AGBL1: variants seen among roughly 807,000 people sequenced by gnomAD.
The protein encoded by AGBL1 is cytosolic carboxypeptidase 4.
A neutral mutation model predicts 118.9 loss-of-function variants in AGBL1; 130 were observed. The ratio of observed to expected loss-of-function variants is 1.09; its 90% CI spans 0.95 to 1.26. The LOEUF (loss-of-function observed/expected upper bound fraction) is 1.26, where lower values mean the gene tolerates loss of function less well. Ranked by LOEUF, AGBL1 falls within the 50% of genes most tolerant of loss-of-function variation. The probability of loss-of-function intolerance (pLI) is 0.00; values close to 1 mark genes in which losing one functional copy is unlikely to be tolerated. For synonymous variants in AGBL1, 555 were observed against 478.9 expected, an observed-to-expected ratio of 1.16 and a Z score of -2.08; for missense variants, 1,584 against 1,298.1, an observed-to-expected ratio of 1.22 and a Z score of -3.38.
chr15:86,158,346 C>T (rs1176947617), intron 4 of AGBL1, among the ~76,000 whole-genome samples: 7 of 152,152 alleles, frequency 4.6e-5, no homozygotes. Flanking sequence ...ACCTCTTGTT[C>T]CCACTCACTT....
intron 5 of AGBL1, among the ~76,000 whole-genome samples, chr15:86,188,418 C>T (rs2077667111): frequency 6.6e-6 from 1 of 152,056 alleles, no homozygotes. Flanking sequence ...AAAAAAAAGA[C>T]TGTTGATAAT....
At chr15:86,573,254 GT>G (rs771015365) in intron 21 of AGBL1, among the ~76,000 whole-genome samples, 10 of 152,128 alleles carry the variant, frequency 6.6e-5, no homozygotes, top group Non-Finnish European at 1.3e-4. Flanking sequence ...TTCAAGAAAC[GT>G]TTTTCTTTTT....
intron 18 of AGBL1, among the ~76,000 whole-genome samples, chr15:86,484,836 C>T (rs1019070260): frequency 1.9e-4 from 29 of 152,242 alleles, no homozygotes; most frequent in African/African-American, 6.5e-4. Flanking sequence ...CAAAACTTTA[C>T]ATCAGGCCAG....
chr15:86,629,355 G>A (rs1397236982), intron 21 of AGBL1, among the ~76,000 whole-genome samples: 1 of 152,128 alleles, frequency 6.6e-6, no homozygotes, highest in African/African-American at 2.4e-5. Context: ...CTGAATTAAT[G>A]GATCTCTGTG....
In AGBL1 at chr15:86,219,984, C is replaced by G. The variant is rs563802698; in HGVS notation, c.489-4930C>G. 8.0e-5 allele frequency among the ~76,000 whole-genome samples: 9 copies of G among 113,018 alleles called. 1 individual carries two copies. The highest frequency in any genetic ancestry group is 2.9e-4 in the African/African-American group (9 of 31,432). 74.1% of individuals were successfully genotyped at this position (113,018 alleles called of 152,430 possible). A position where few individuals can be genotyped will look rare whatever the true frequency, so the allele number is the denominator to read the frequency against. ...TTTTTTTTTTTTAGATGGAGTTTCA[C>G]TCTGTTGCCCGGGCTGGAGTGCAGT... On this transcript the variant is annotated intron_variant, in intron 5 of 22. Transcript: ENST00000614907.
intron 1 of AGBL1, among the ~76,000 whole-genome samples, chr15:86,095,959 A>G (rs1394397167): frequency 6.6e-6 from 1 of 152,082 alleles, no homozygotes; most frequent in Non-Finnish European, 1.5e-5. Context: ...GTTTTTCCTA[A>G]ACTTTAATCA....
chr15:87,022,042 G>T (rs991630739), intron 24 of AGBL1, among the ~76,000 whole-genome samples: 4 of 152,206 alleles, frequency 2.6e-5, no homozygotes, highest in African/African-American at 9.6e-5. Context: ...CCAGAAGAAA[G>T]ATAACAATCA....
intron 17 of AGBL1, among the ~76,000 whole-genome samples, chr15:86,392,188 A>T (rs887909795): frequency 1.3e-5 from 2 of 151,772 alleles, no homozygotes; most frequent in African/African-American, 4.9e-5. Context: ...TCTTTCTGTG[A>T]TGCACTCTGT....
chr15:86,139,747 A>G (rs1266484670), intron 1 of AGBL1: 1 of 150,028 alleles, frequency 6.7e-6, no homozygotes, highest in African/African-American at 2.5e-5. Flanking sequence ...AATTAATTGA[A>G]AAAATACATT....
At chr15:86,628,660 G>T (rs929908735) in intron 21 of AGBL1, among the ~76,000 whole-genome samples, 1 of 151,992 alleles carries the variant, frequency 6.6e-6, no homozygotes, top group South Asian at 2.1e-4. Flanking sequence ...GCCAGGCGTG[G>T]TGGTGGGCGC....
intron 18 of AGBL1, among the ~76,000 whole-genome samples, chr15:86,447,059 A>C (rs1359722814): frequency 6.6e-6 from 1 of 151,544 alleles, no homozygotes; most frequent in Non-Finnish European, 1.5e-5. Flanking sequence ...GGGCCCATAA[A>C]TCTGAATTTT....
chr15:86,751,813 A>C (rs1234007948), intron 22 of AGBL1, among the ~76,000 whole-genome samples: 3 of 152,244 alleles, frequency 2.0e-5, no homozygotes, highest in Middle Eastern at 3.4e-3. Flanking sequence ...TAGAAATGAA[A>C]AGGTTTATTA....
chr15:86,792,418 C>T (rs931408224), intron 22 of AGBL1, among the ~76,000 whole-genome samples: 1 of 152,008 alleles, frequency 6.6e-6, no homozygotes, highest in Non-Finnish European at 1.5e-5. Flanking sequence ...TACTAGACAG[C>T]AAAGATGTCA....
chr15:86,353,875 A>G (rs1345971859), intron 17 of AGBL1, among the ~76,000 whole-genome samples: 1 of 152,244 alleles, frequency 6.6e-6, no homozygotes, highest in Non-Finnish European at 1.5e-5. Context: ...GTTATGTTGG[A>G]CGATAAGAAA....
intron 16 of AGBL1, among the ~76,000 whole-genome samples, chr15:86,283,903 C>T (rs1045115275): frequency 1.3e-5 from 2 of 152,056 alleles, no homozygotes; most frequent in Admixed American, 1.3e-4. Context: ...AGATTTTAGT[C>T]TAGGTGTTGT....
At chr15:86,668,614 A>G (rs115381101) in intron 21 of AGBL1, among the ~76,000 whole-genome samples, 117 of 152,262 alleles carry the variant, frequency 7.7e-4, no homozygotes, top group African/African-American at 2.5e-3. Context: ...AGGATGTTCA[A>G]TGATGCTCTG....
chr15:86,461,619 T>C (rs1363836408), intron 18 of AGBL1, among the ~76,000 whole-genome samples: 1 of 152,196 alleles, frequency 6.6e-6, no homozygotes, highest in African/African-American at 2.4e-5. Flanking sequence ...ATAAGTGCCA[T>C]GTAATTTTCA....
intron 18 of AGBL1, among the ~76,000 whole-genome samples, chr15:86,438,197 C>T (rs2082021626): frequency 6.6e-6 from 1 of 152,100 alleles, no homozygotes; most frequent in Non-Finnish European, 1.5e-5. Flanking sequence ...TGAGCCACTG[C>T]ACCCGGCCAA....
chr15:86,461,285 A>T lies in AGBL1; in HGVS notation c.2556-61525A>T, dbSNP rs190975833. Among the ~76,000 whole-genome samples, 77 of 152,242 alleles carry T rather than the reference A, an allele frequency of 5.1e-4. 1 individual carries two copies. Among genetic ancestry groups the T allele is most frequent in the Non-Finnish European group, 8.1e-4 (55 of 68,020 alleles). ...GGAGAGTGGAACTGGGTTTATAAAA[A>T]ATGTTTGCTTTAGGTATAGAATCCA... is the stretch of plus-strand genomic sequence containing the variant. On this transcript the variant is annotated intron_variant, in intron 18 of 22. Transcript: ENST00000614907.
Sources: gnomAD v4.1 joint callset for allele counts (sites outside exome capture counted in the v4.1 genomes callset) on GRCh38, gnomAD v4.1.1 for gene constraint, MANE v1.5 for transcripts, NCBI Gene and HGNC (gene_info 2026-07-23, HGNC 2026-07-21) for gene names.